Variants in COL8A1 observed in about 807,000 individuals in gnomAD.
The protein encoded by COL8A1 is collagen alpha-1(VIII) chain.
Under a neutral mutation model 42.7 loss-of-function variants are expected in COL8A1, and 21 were observed. The observed-to-expected ratio is 0.49, with a 90% confidence interval of 0.35 to 0.71. The LOEUF (loss-of-function observed/expected upper bound fraction) is 0.71, where lower values mean the gene tolerates loss of function less well. Ranked by LOEUF, COL8A1 falls within the 30% of genes least tolerant of loss-of-function variation. COL8A1 has a pLI of 0.01. For missense variants in COL8A1, 788 were observed against 962.4 expected (o/e 0.82, Z 2.40); for synonymous variants, 367 against 369.1 (o/e 0.99, Z 0.06).
intron 2 of COL8A1, among the ~76,000 whole-genome samples, chr3:99,761,000 A>G (rs1240188018): frequency 2.0e-5 from 3 of 152,224 alleles, no homozygotes. Flanking sequence ...TAGGAGCCAG[A>G]TGAATTTTTA....
chr3:99,730,234 C>T (rs766804772), intron 1 of COL8A1, among the ~76,000 whole-genome samples: 4 of 152,054 alleles, frequency 2.6e-5, no homozygotes, highest in Non-Finnish European at 5.9e-5. Flanking sequence ...AGGAGACTGG[C>T]TCAAAGGACA....
chr3:99,656,783 G>A (rs770357287), intron 1 of COL8A1, among the ~76,000 whole-genome samples: 1 of 152,182 alleles, frequency 6.6e-6, no homozygotes. Flanking sequence ...TAAAAAACTA[G>A]TAGTTAAGCT....
intron 1 of COL8A1, among the ~76,000 whole-genome samples, chr3:99,669,945 GAA>G (rs1237374399): frequency 6.6e-6 from 1 of 151,842 alleles, no homozygotes; most frequent in Non-Finnish European, 1.5e-5. Context: ...CATTCCAGCG[GAA>G]AAAATGTTTT....
At chr3:99,772,333 G>C (rs1941595198) in intron 2 of COL8A1, among the ~76,000 whole-genome samples, 1 of 152,178 alleles carries the variant, frequency 6.6e-6, no homozygotes, top group African/African-American at 2.4e-5. Flanking sequence ...AGAAAGAACA[G>C]GCAGAGCACA....
chr3:99,679,878 G>A (rs1284171122), intron 1 of COL8A1: 1 of 152,146 alleles, frequency 6.6e-6, no homozygotes, highest in East Asian at 1.9e-4. Context: ...GGATTGGGGT[G>A]TATTTTTAAT....
intron 1 of COL8A1, among the ~76,000 whole-genome samples, chr3:99,698,888 C>T (rs905506745): frequency 3.3e-5 from 5 of 152,132 alleles, no homozygotes; most frequent in African/African-American, 7.2e-5. Flanking sequence ...ATGCCAATAA[C>T]GTGAGCTCTA....
At chr3:99,706,056 G>C (rs898469135) in intron 1 of COL8A1, among the ~76,000 whole-genome samples, 1 of 152,102 alleles carries the variant, frequency 6.6e-6, no homozygotes, top group Non-Finnish European at 1.5e-5. Flanking sequence ...TGAGTGACAG[G>C]TAAATAAATT....
chr3:99,749,278 A>G (rs1235130330), intron 2 of COL8A1, among the ~76,000 whole-genome samples: 5 of 152,188 alleles, frequency 3.3e-5, no homozygotes, highest in African/African-American at 7.2e-5. Flanking sequence ...CTCTCACTTC[A>G]TCTTTACAGG....
Position 99,794,839 on chromosome 3 carries a change from C to G in COL8A1, c.938C>G (p.Pro313Arg), listed in dbSNP as rs1349985497. The change falls in exon 4 of 4, where the codon CCC (proline) becomes CGC (arginine). Residue 313 changes from proline to arginine, a missense_variant. By Grantham distance (103) the Pro-to-Arg change is moderately radical (BLOSUM62 -2). Coordinates refer to ENST00000652472, the MANE Select transcript of COL8A1 (RefSeq NM_020351.4). This position sits in a 1 kb window ranked among gnomAD's most constrained non-coding sequence, Gnocchi z 4.3. ...VPGVQGPPGI[P>R]GIGKPGQDGI... ...GGGGTTCAAGGACCTCCTGGGATAC[C>G]CGGAATTGGAAAGCCAGGCCAGGAT... 1 of 1,612,150 alleles carries G rather than the reference C, an allele frequency of 6.2e-7. No individual in the cohort carries two copies. The highest frequency in any genetic ancestry group is 1.3e-5 in the African/African-American group (1 of 74,806).
At chr3:99,701,884 T>A (rs1939550576) in intron 1 of COL8A1, among the ~76,000 whole-genome samples, 1 of 152,184 alleles carries the variant, frequency 6.6e-6, no homozygotes, top group South Asian at 2.1e-4. Flanking sequence ...CAAGTTTACA[T>A]GAAAGAATGA....
intron 2 of COL8A1, among the ~76,000 whole-genome samples, chr3:99,751,306 C>G (rs1941143265): frequency 6.6e-6 from 1 of 152,056 alleles, no homozygotes; most frequent in Non-Finnish European, 1.5e-5. Context: ...ACCTGTAATC[C>G]CAGCAATATA....
chr3:99,694,288 G>C (rs1050902733), intron 1 of COL8A1, among the ~76,000 whole-genome samples: 1 of 152,110 alleles, frequency 6.6e-6, no homozygotes, highest in Non-Finnish European at 1.5e-5. Context: ...TTCGAGACCA[G>C]CCTGGCCAAC....
At chr3:99,726,590 A>G (rs1433751211) in intron 1 of COL8A1, among the ~76,000 whole-genome samples, 1 of 152,122 alleles carries the variant, frequency 6.6e-6, no homozygotes, top group Admixed American at 6.5e-5. Context: ...ATTTTTGTAT[A>G]AGGTGTAAGG....
intron 2 of COL8A1, among the ~76,000 whole-genome samples, chr3:99,783,905 G>C (rs902909813): frequency 6.6e-6 from 1 of 152,142 alleles, no homozygotes; most frequent in African/African-American, 2.4e-5. Context: ...ATGAGATTTC[G>C]GTGGGGCCAC....
intron 1 of COL8A1, among the ~76,000 whole-genome samples, chr3:99,689,060 G>T (rs963130397): frequency 4.6e-5 from 7 of 152,166 alleles, no homozygotes; most frequent in African/African-American, 1.7e-4. Flanking sequence ...CCAAATTATT[G>T]TAATGGCCCC....
At chr3:99,721,066 C>T (rs947014475) in intron 1 of COL8A1, among the ~76,000 whole-genome samples, 1 of 151,862 alleles carries the variant, frequency 6.6e-6, no homozygotes, top group Non-Finnish European at 1.5e-5. Flanking sequence ...GAGCATTCTC[C>T]AAGCCACTCA....
chr3:99,728,782 A>G (rs2107380669), intron 1 of COL8A1, among the ~76,000 whole-genome samples: 1 of 152,134 alleles, frequency 6.6e-6, no homozygotes, highest in East Asian at 1.9e-4. Context: ...TCATAATATT[A>G]TTAGCCCAAG....
intron 1 of COL8A1, among the ~76,000 whole-genome samples, chr3:99,651,578 C>A (rs959744761): frequency 6.6e-6 from 1 of 152,214 alleles, no homozygotes; most frequent in African/African-American, 2.4e-5. Flanking sequence ...AATCATCATG[C>A]CAACAGGCCA....
chr3:99,752,964 T>C (rs527766099), intron 2 of COL8A1, among the ~76,000 whole-genome samples: 3 of 152,264 alleles, frequency 2.0e-5, no homozygotes, highest in Admixed American at 2.0e-4. Flanking sequence ...ACATGCCTAC[T>C]GCTATGACTT....
Sources: allele counts gnomAD v4.1 joint callset (sites outside exome capture counted in the v4.1 genomes callset), GRCh38; gene constraint gnomAD v4.1.1; non-coding constraint Gnocchi (gnomAD v3.1); transcripts MANE v1.5; gene names NCBI Gene and HGNC (gene_info 2026-07-23, HGNC 2026-07-21).